The following RPN1 variants were observed in gnomAD, a reference collection of about 807,000 sequenced individuals.
RPN1 encodes ribophorin I, also known as dolichyl-diphosphooligosaccharide--protein glycosyltransferase subunit 1.
In RPN1, 12 loss-of-function variants were observed where a neutral mutation model predicts 55.5. The ratio of observed to expected loss-of-function variants is 0.22; its 90% CI spans 0.14 to 0.35. The LOEUF is 0.35. Ranked by LOEUF, RPN1 falls within the 10% of genes least tolerant of loss-of-function variation. The pLI is 1.00. For synonymous variants in RPN1, 317 were observed against 305.9 expected, an observed-to-expected ratio of 1.04 and a Z score of -0.38; for missense variants, 679 against 761.3, an observed-to-expected ratio of 0.89 and a Z score of 1.27.
At chr3:128,638,165 G>T in intron 2 of RPN1, 60 bp from the exon 3 acceptor site, 1 of 1,305,286 alleles carries the variant, frequency 7.7e-7, no homozygotes, top group African/African-American at 1.5e-5. Context: ...AACAGTAGTA[G>T]CAGTTCAAAG....
At position 128,643,405 on chromosome 3, in the gene RPN1, T is replaced by A. The variant is rs555131930; in HGVS notation, c.326+1514A>T. Among the ~76,000 whole-genome samples the A allele has an allele frequency of 3.6e-4, 55 of 151,538 alleles. 1 individual carries two copies. The highest frequency in any genetic ancestry group is 3.6e-3 in the Admixed American group (55 of 15,214). On this transcript the variant is annotated intron_variant, in intron 2 of 9. Transcript: ENST00000296255. ...GGGGCCAGGAGTGGTGGCTCACACC[T>A]GTAATCCCCGCACTTTGGAAGGCTG...
chr3:128,621,263 G>A (rs1276014477), intron 9 of RPN1, among the ~76,000 whole-genome samples: 1 of 152,164 alleles, frequency 6.6e-6, no homozygotes, highest in Non-Finnish European at 1.5e-5. Flanking sequence ...TGTAATTCCA[G>A]TACTTTGGAG....
At chr3:128,631,865 T>G in intron 4 of RPN1, 83 bp downstream of exon 4, 2 of 1,445,452 alleles carry the variant, frequency 1.4e-6, no homozygotes, top group South Asian at 2.4e-5. Flanking sequence ...TGCCTAAATA[T>G]TTAGCTAGTT....
Position 128,622,225 on chromosome 3 carries a change from G to C in RPN1, c.1580C>G (p.Thr527Ser), listed in dbSNP as rs1208253275. Residue 527 changes from threonine (T) to serine (S), a missense_variant, in exon 9 of 10, where the codon ACC becomes AGC. Physicochemically the swap from Thr to Ser is moderately conservative, Grantham distance 58. This residue lies in a region of RPN1 where 306 missense variants were observed against 360.0 expected (regional missense o/e 0.85). Coordinates refer to ENST00000296255, the MANE Select transcript of RPN1 (RefSeq NM_002950.4). The stretch of plus-strand genomic sequence containing the variant: ...GGACTGCAGCAGTGCAATCTCACTG[G>C]TCAAGGCCTTGTGTTCAGTCTCCAG... ...KSLETEHKAL[T>S]SEIALLQSRL... 1.2e-6 allele frequency: 2 copies of C among 1,614,138 alleles called. No individual in the cohort carries two copies. The highest frequency in any genetic ancestry group is 2.7e-5 in the African/African-American group (2 of 75,058).
At chr3:128,634,759 C>T (rs1033744978) in intron 3 of RPN1, among the ~76,000 whole-genome samples, 3 of 151,978 alleles carry the variant, frequency 2.0e-5, no homozygotes, top group African/African-American at 7.3e-5. Flanking sequence ...GACGGGGTTT[C>T]ACCATGTTGG....
intron 3 of RPN1, among the ~76,000 whole-genome samples, chr3:128,632,373 GAC>G (rs2069648442): frequency 6.6e-6 from 1 of 152,018 alleles, no homozygotes; most frequent in Non-Finnish European, 1.5e-5. Context: ...CAAAAAATAG[GAC>G]ACAAAAAAAT....
chr3:128,642,589 G>C (rs933021910), intron 2 of RPN1: 1 of 152,076 alleles, frequency 6.6e-6, no homozygotes, highest in Non-Finnish European at 1.5e-5. Flanking sequence ...CCAGCTACTC[G>C]GGAGGCTGAG....
At position 128,630,069 on chromosome 3, in the gene RPN1, A is replaced by G. The variant is rs374826800; in HGVS notation, c.918T>C (p.Leu306=). Residue 306 remains leucine (L), a synonymous_variant, in exon 5 of 10, where the codon CTT becomes CTC. Coordinates refer to ENST00000296255, the MANE Select transcript of RPN1 (RefSeq NM_002950.4). ...EIGNVSTSHL[L]ILDDSVEMEI... ...CCATCTCTACAGAGTCATCCAAAAT[A>G]AGGAGGTGGCTGGTAGAAACATTGC... 60 of 1,613,118 alleles carry G rather than the reference A, an allele frequency of 3.7e-5. No individual in the cohort carries two copies. Among genetic ancestry groups the G allele is most frequent in the Non-Finnish European group, 5.0e-5 (59 of 1,179,198 alleles).
intron 1 of RPN1, among the ~76,000 whole-genome samples, chr3:128,646,817 A>T (rs1271185978): frequency 6.6e-6 from 1 of 150,974 alleles, no homozygotes; most frequent in Non-Finnish European, 1.5e-5. Context: ...TACTAAAAAT[A>T]AAAAAATTAG....
intron 3 of RPN1, among the ~76,000 whole-genome samples, chr3:128,635,280 A>G (rs938302328): frequency 6.6e-6 from 1 of 152,062 alleles, no homozygotes; most frequent in Non-Finnish European, 1.5e-5. Flanking sequence ...AATGAATGGG[A>G]GAATTGGAAG....
Position 128,630,091 on chromosome 3 carries a change from T to C in RPN1, c.896A>G (p.Asn299Ser), listed in dbSNP as rs369220843. The change falls in exon 5 of 10, where the codon AAT becomes AGT. Residue 299 changes from asparagine to serine, a missense_variant. Asn to Ser is a conservative substitution (Grantham distance 46). Transcript: ENST00000296255. Reference protein sequence around the residue: ...QDVYYRDEIGNVSTSHLLILD... With the variant: ...QDVYYRDEIGSVSTSHLLILD... ...AATAAGGAGGTGGCTGGTAGAAACATTGCCAATCTCATCCCGGTAATAAAC... is the reference window on the plus strand; with the variant it reads ...AATAAGGAGGTGGCTGGTAGAAACACTGCCAATCTCATCCCGGTAATAAAC... 26 of 1,613,442 alleles carry C rather than the reference T, an allele frequency of 1.6e-5. No individual in the cohort carries two copies. The highest frequency in any genetic ancestry group is 4.0e-5 in the African/African-American group (3 of 74,868).
intron 3 of RPN1, among the ~76,000 whole-genome samples, chr3:128,635,656 T>G (rs757538556): frequency 0.47 from 46,090 of 97,692 alleles, 8,588 homozygotes; most frequent in Middle Eastern, 0.52. Context: ...TATATATATA[T>G]ATATATATAG....
At chr3:128,640,524 T>A (rs1432828334) in intron 2 of RPN1, among the ~76,000 whole-genome samples, 1 of 152,220 alleles carries the variant, frequency 6.6e-6, no homozygotes, top group Non-Finnish European at 1.5e-5. Context: ...GTGCTTCTCA[T>A]CCCACTCTCT....
chr3:128,627,035 C>T (rs929334908), intron 5 of RPN1: 10 of 561,154 alleles, frequency 1.8e-5, no homozygotes, highest in African/African-American at 7.6e-5. Flanking sequence ...GTCAAAACAC[C>T]GACAGCCACA....
At chr3:128,622,053 T>C (rs2712419) in intron 9 of RPN1, 111 bp downstream of exon 9, 658,544 of 1,070,390 alleles carry the variant, frequency 0.62, 204,134 homozygotes, top group East Asian at 0.79. Context: ...GATGCAGTCT[T>C]ATCCCACAAG....
intron 1 of RPN1, among the ~76,000 whole-genome samples, chr3:128,646,717 C>T (rs1428391043): frequency 6.7e-6 from 1 of 149,778 alleles, no homozygotes; most frequent in Non-Finnish European, 1.5e-5. Flanking sequence ...GGTGCGGTGG[C>T]TCACACCTGT....
rs1394003876 is a variant in RPN1, at chr3:128,632,282, C to T, written c.634-125G>A. On this transcript the variant is annotated intron_variant, in intron 3 of 9. Coordinates refer to ENST00000296255, the MANE Select transcript of RPN1 (RefSeq NM_002950.4). ...AACGGGTAAATTATGATGTATCTAA[C>T]GTATGCAACATTTTAAAATTATGTT... The T allele has an allele frequency of 6.7e-6, 5 of 744,098 alleles. No homozygotes were observed. In the South Asian group the frequency reaches 7.3e-5, roughly 11 times the overall value. The allele number at this position is 744,098 out of a possible 1,614,324, so 46.1% of individuals were successfully genotyped here.
chr3:128,649,587 G>A (rs1010660410), intron 1 of RPN1, among the ~76,000 whole-genome samples: 1 of 152,152 alleles, frequency 6.6e-6, no homozygotes, highest in African/African-American at 2.4e-5. Flanking sequence ...ACACTATAAT[G>A]ACTATTCTCT....
intron 3 of RPN1, among the ~76,000 whole-genome samples, chr3:128,635,301 C>CT (rs1225148746): frequency 1.3e-5 from 2 of 151,616 alleles, no homozygotes; most frequent in Non-Finnish European, 2.9e-5. Flanking sequence ...CAAGAATTCT[C>CT]TATTATTTTT....
Sources: allele counts gnomAD v4.1 joint callset (sites outside exome capture counted in the v4.1 genomes callset), GRCh38; gene constraint gnomAD v4.1.1; regional missense constraint gnomAD v4.1.1; transcripts MANE v1.5; gene names NCBI Gene and HGNC (gene_info 2026-07-23, HGNC 2026-07-21).